The following FLI1 variants were observed in gnomAD, a reference collection of about 807,000 sequenced individuals.
FLI1 encodes the protein Fli-1 proto-oncogene, ETS transcription factor.
In FLI1, 13 loss-of-function variants were observed where a neutral mutation model predicts 53.1. The observed-to-expected ratio is 0.24, with a 90% CI of 0.16 to 0.39. The LOEUF is 0.39. FLI1 is among the 10% of genes least tolerant of loss of function. The pLI, the probability that FLI1 is intolerant of heterozygous loss-of-function variation, is 1.00. For synonymous variants in FLI1, 244 were observed against 236.7 expected (o/e 1.03, Z -0.28); for missense variants, 424 against 600.5 (o/e 0.71, Z 3.07).
chr11:128,802,861 A>G (rs958695099), intron 5 of FLI1, among the ~76,000 whole-genome samples: 1 of 152,172 alleles, frequency 6.6e-6, no homozygotes, highest in African/African-American at 2.4e-5. Flanking sequence ...ATGCATTCAG[A>G]TTTTTGCATG....
intron 1 of FLI1, among the ~76,000 whole-genome samples, chr11:128,716,668 T>C (rs1170407303): frequency 6.6e-6 from 1 of 152,150 alleles, no homozygotes; most frequent in African/African-American, 2.4e-5. Context: ...AATGGAGTGC[T>C]CTGGGCTTCC....
chr11:128,730,052 A>C (rs904543139), intron 1 of FLI1, among the ~76,000 whole-genome samples: 1 of 152,214 alleles, frequency 6.6e-6, no homozygotes, highest in African/African-American at 2.4e-5. Flanking sequence ...GAGCTAGCCA[A>C]CTGAGTTAGC....
chr11:128,812,831 GGCTC>G lies in FLI1; in HGVS notation c.*1844_*1847del, dbSNP rs1216498304. Reference sequence around the variant, plus strand: ...TTCAGGTCTCAGACCAGGACTTTATGGCTCATGCAGATTTTTAAGGTCATTTTTC... The same window carrying G: ...TTCAGGTCTCAGACCAGGACTTTATGATGCAGATTTTTAAGGTCATTTTTC... On this transcript the variant is annotated 3_prime_UTR_variant, in exon 9 of 9. Transcript: ENST00000527786. 2.7e-5 allele frequency: 5 copies of G among 187,360 alleles called. No individual in the cohort carries two copies. Among genetic ancestry groups the G allele is most frequent in the African/African-American group, 7.0e-5 (3 of 43,002 alleles). The allele number at this position is 187,360 out of a possible 1,614,324, so 11.6% of individuals were successfully genotyped here.
At chr11:128,743,759 G>T (rs903970500) in intron 1 of FLI1, among the ~76,000 whole-genome samples, 2 of 152,294 alleles carry the variant, frequency 1.3e-5, no homozygotes, top group Admixed American at 1.3e-4. Flanking sequence ...TTTTAGCTGG[G>T]TTTTCTGCTC....
chr11:128,731,804 A>G (rs112626130), intron 1 of FLI1, among the ~76,000 whole-genome samples: 33 of 152,234 alleles, frequency 2.2e-4, no homozygotes, highest in Middle Eastern at 3.4e-3. Context: ...GGAGTTCGAG[A>G]TCAGCCTGGC....
intron 5 of FLI1, among the ~76,000 whole-genome samples, chr11:128,787,807 A>ATT (rs35352545): frequency 0.026 from 3,557 of 137,324 alleles, 162 homozygotes; most frequent in African/African-American, 0.07. Context: ...GCTAATTACA[A>ATT]TTTTTTTTTT....
At chr11:128,809,977 T>G (rs1293436914) in intron 8 of FLI1, among the ~76,000 whole-genome samples, 1 of 152,150 alleles carries the variant, frequency 6.6e-6, no homozygotes, top group Non-Finnish European at 1.5e-5. Flanking sequence ...ATCCAAAAGC[T>G]AAAGCTCATG....
At chr11:128,758,821 C>A (rs902714229) in intron 2 of FLI1, among the ~76,000 whole-genome samples, 1 of 152,118 alleles carries the variant, frequency 6.6e-6, no homozygotes, top group African/African-American at 2.4e-5. Context: ...GGGGCAGGCA[C>A]CTGGAAGGCG....
intron 1 of FLI1, among the ~76,000 whole-genome samples, chr11:128,717,963 T>A (rs1157745492): frequency 6.6e-6 from 1 of 152,150 alleles, no homozygotes; most frequent in Non-Finnish European, 1.5e-5. Flanking sequence ...CCCAAAAGGA[T>A]CTCTAAGGTG....
chr11:128,709,830 C>T (rs76921511), intron 1 of FLI1, among the ~76,000 whole-genome samples: 1,826 of 152,276 alleles, frequency 0.012, 19 homozygotes, highest in Middle Eastern at 0.041. Flanking sequence ...TAATACAGTA[C>T]AGAACCAGGC....
chr11:128,691,816 T>A (rs1937750160), upstream of FLI1: 1 of 152,272 alleles, frequency 6.6e-6, no homozygotes, highest in Admixed American at 6.5e-5. Context: ...AGATGATCTG[T>A]CACTTGCCAG....
chr11:128,799,058 C>CTTTTTTTTTTTT (rs1942544964), intron 5 of FLI1, among the ~76,000 whole-genome samples: 2 of 102,750 alleles, frequency 1.9e-5, no homozygotes, highest in African/African-American at 7.8e-5. Flanking sequence ...TATTATTTTG[C>CTTTTTTTTTTTT]TTTGGAGACA....
chr11:128,768,415 C>T (rs1941429972), intron 3 of FLI1, 143 bp downstream of exon 3: 1 of 977,956 alleles, frequency 1.0e-6, no homozygotes, highest in South Asian at 1.5e-5. Context: ...GGAGTGGTGG[C>T]TCGCGCCTGT....
chr11:128,774,664 GT>G (rs1171647274), intron 4 of FLI1, among the ~76,000 whole-genome samples: 1 of 152,208 alleles, frequency 6.6e-6, no homozygotes, highest in East Asian at 1.9e-4. Context: ...GCTCTGAACT[GT>G]TAGTTAAAGG....
intron 1 of FLI1, among the ~76,000 whole-genome samples, chr11:128,721,591 A>G (rs1939254765): frequency 6.6e-6 from 1 of 152,176 alleles, no homozygotes; most frequent in African/African-American, 2.4e-5. Context: ...AAGATCAATT[A>G]TGGGTGCAAG....
At position 128,810,532 on chromosome 11, in the gene FLI1, C is replaced by T; in HGVS notation, c.903C>T (p.Thr301=). 6.2e-7 allele frequency: 1 copy of T among 1,611,758 alleles called. No homozygotes were observed. Among genetic ancestry groups the T allele is most frequent in the Non-Finnish European group, 8.5e-7 (1 of 1,178,906 alleles). Residue 301 remains threonine, a synonymous_variant, in exon 9 of 9, where the codon ACC becomes ACT. Transcript: ENST00000527786. This position sits in a 1 kb window ranked among gnomAD's most constrained non-coding sequence, Gnocchi z 6.6. ...ACAGCGCCAACGCCAGCTGTATCAC[C>T]TGGGAGGGGACCAACGGGGAGTTCA... ...LSDSANASCI[T]WEGTNGEFKM... is the part of the protein sequence containing the mutation.
chr11:128,796,676 AAAG>A (rs1001265153), intron 5 of FLI1, among the ~76,000 whole-genome samples: 4 of 152,330 alleles, frequency 2.6e-5, no homozygotes, highest in East Asian at 3.9e-4. Flanking sequence ...CCAGGCCACA[AAAG>A]AAGGAGTGCT....
intron 1 of FLI1, among the ~76,000 whole-genome samples, chr11:128,696,518 T>C (rs1393505148): frequency 2.0e-5 from 3 of 152,210 alleles, no homozygotes; most frequent in Admixed American, 1.3e-4. Context: ...TTGAGATTCA[T>C]AGTCATCACA....
At chr11:128,702,403 G>T (rs1356388354) in intron 1 of FLI1, among the ~76,000 whole-genome samples, 1 of 152,176 alleles carries the variant, frequency 6.6e-6, no homozygotes, top group African/African-American at 2.4e-5. Context: ...CATAAGGATG[G>T]TTAGACACAT....
Sources: allele counts gnomAD v4.1 joint callset (sites outside exome capture counted in the v4.1 genomes callset), GRCh38; gene constraint gnomAD v4.1.1; non-coding constraint Gnocchi (gnomAD v3.1); transcripts MANE v1.5; gene names NCBI Gene and HGNC (gene_info 2026-07-23, HGNC 2026-07-21).